ERN1: variants seen among roughly 807,000 people sequenced by gnomAD.
ERN1 encodes endoplasmic reticulum to nucleus signaling 1.
In ERN1, 39 loss-of-function variants were observed where a neutral mutation model predicts 113.1. The observed-to-expected ratio is 0.34, with a 90% confidence interval of 0.27 to 0.45. The LOEUF is 0.45. ERN1 is among the 20% of genes least tolerant of loss of function. The pLI, the probability that ERN1 is intolerant of heterozygous loss-of-function variation, is 1.00. For synonymous variants in ERN1, 507 were observed against 515.9 expected, an observed-to-expected ratio of 0.98 and a Z score of 0.23; for missense variants, 976 against 1,274.8, an observed-to-expected ratio of 0.77 and a Z score of 3.57.
intron 2 of ERN1, among the ~76,000 whole-genome samples, chr17:64,093,427 A>G (rs1000932799): frequency 1.4e-4 from 22 of 152,174 alleles, no homozygotes; most frequent in Non-Finnish European, 2.9e-5. Context: ...TGATCTTGTA[A>G]AGTGGAGGCC....
At chr17:64,055,057 C>A (rs946589668) in intron 13 of ERN1, among the ~76,000 whole-genome samples, 1 of 152,180 alleles carries the variant, frequency 6.6e-6, no homozygotes, top group African/African-American at 2.4e-5. Context: ...CCTTATTGTG[C>A]GATTGCATAT....
At position 64,065,255 on chromosome 17, in the gene ERN1, C is replaced by G. The variant is rs1256066950; in HGVS notation, c.875G>C (p.Ser292Thr). ...TACCATTGAGGGAGAGGCATAGAGGCTGGTAGAGTATTTCCCAACATACAG... is the reference window on the plus strand; with the variant it reads ...TACCATTGAGGGAGAGGCATAGAGGGTGGTAGAGTATTTCCCAACATACAG... Reference protein sequence around the residue: ...PTLYVGKYSTSLYASPSMVHE... With the variant: ...PTLYVGKYSTTLYASPSMVHE... The change falls in exon 9 of 22, where the codon AGC becomes ACC. Residue 292 changes from serine to threonine, a missense_variant. Around this residue, in one of 5 missense-constraint regions of ERN1, gnomAD observed 459 missense variants for 581.2 expected, o/e 0.79. Transcript: ENST00000433197. The G allele has an allele frequency of 6.2e-7, 1 of 1,608,286 alleles. No individual in the cohort carries two copies. The highest frequency in any genetic ancestry group is 8.5e-7 in the Non-Finnish European group (1 of 1,177,338).
intron 1 of ERN1, among the ~76,000 whole-genome samples, chr17:64,104,353 T>C (rs1389736827): frequency 2.6e-5 from 4 of 152,160 alleles, no homozygotes; most frequent in Non-Finnish European, 5.9e-5. Context: ...CCCCCTGCAA[T>C]GGTAAGTACA....
chr17:64,043,646 G>A lies in ERN1; in HGVS notation c.*342C>T, dbSNP rs1912410079. The A allele has an allele frequency of 4.9e-6, 1 of 206,060 alleles. No individual in the cohort carries two copies. Among genetic ancestry groups the A allele is most frequent in the Non-Finnish European group, 9.6e-6 (1 of 103,738 alleles). 12.8% of individuals were successfully genotyped at this position (206,060 alleles called of 1,614,324 possible). ...CCTCCTCTCCCTTCCTGAAAGGCCT[G>A]TAGACTGACATTAAGCAGGAATTTA... On this transcript the variant is annotated 3_prime_UTR_variant, in exon 22 of 22. Transcript: ENST00000433197.
At position 64,099,675 on chromosome 17, in the gene ERN1, C is replaced by T. The variant is rs562055171; in HGVS notation, c.55-1434G>A. ...CATGGGAGCCTGATCCCAGAAGGCC[C>T]GGCTACTCTCGGTAAGAGCCAGGAT... On this transcript the variant is annotated intron_variant, in intron 1 of 21. Transcript: ENST00000433197. 2.0e-4 allele frequency among the ~76,000 whole-genome samples: 30 copies of T among 152,128 alleles called. No homozygotes were observed. In the Middle Eastern group the frequency reaches 0.01, roughly 52 times the overall value.
intron 17 of ERN1, 69 bp downstream of exon 17, chr17:64,052,711 A>C: frequency 7.0e-7 from 1 of 1,431,936 alleles, no homozygotes; most frequent in South Asian, 1.3e-5. Context: ...CTGGAATTTA[A>C]AGGTTCTACT....
At chr17:64,121,043 C>A (rs1005855300) in intron 1 of ERN1, among the ~76,000 whole-genome samples, 1 of 152,194 alleles carries the variant, frequency 6.6e-6, no homozygotes, top group African/African-American at 2.4e-5. Flanking sequence ...GATGAACCAG[C>A]AAGGGAAGTG....
At chr17:64,087,531 C>G (rs534862154) in intron 2 of ERN1, among the ~76,000 whole-genome samples, 3 of 152,304 alleles carry the variant, frequency 2.0e-5, no homozygotes, top group African/African-American at 7.2e-5. Flanking sequence ...AAGTGTACCT[C>G]TAGCAGTGAC....
intron 7 of ERN1, among the ~76,000 whole-genome samples, chr17:64,067,479 G>A (rs1048524262): frequency 6.6e-6 from 1 of 150,610 alleles, no homozygotes; most frequent in Non-Finnish European, 1.5e-5. Context: ...GTGGCGGTAC[G>A]TGCCTGTGGT....
chr17:64,044,761 G>A lies in ERN1; in HGVS notation c.2721+99C>T. ...CGCCTAGCTCCTGAGAGATGAGAATGCCAGTACAGATAAAAGATTTATAAA... is the reference window on the plus strand; with the variant it reads ...CGCCTAGCTCCTGAGAGATGAGAATACCAGTACAGATAAAAGATTTATAAA... On this transcript the variant is annotated intron_variant, in intron 21 of 21. Transcript: ENST00000433197. The surrounding 1 kb of genome is among the most constrained non-coding windows in gnomAD (Gnocchi z 4.1). 2.4e-6 allele frequency: 2 copies of A among 844,534 alleles called. No homozygotes were observed. Among genetic ancestry groups the A allele is most frequent in the African/African-American group, 1.7e-5 (1 of 58,846 alleles). 52.3% of individuals were successfully genotyped at this position (844,534 alleles called of 1,614,324 possible). A position where few individuals can be genotyped will look rare whatever the true frequency, so the allele number is the denominator to read the frequency against.
chr17:64,075,121 G>T, intron 5 of ERN1, 54 bp downstream of exon 5: 1 of 1,423,724 alleles, frequency 7.0e-7, no homozygotes, highest in South Asian at 1.2e-5. Flanking sequence ...CACTTTCCCA[G>T]ATTCCGGGAC....
At position 64,055,729 on chromosome 17, in the gene ERN1, C is replaced by T. The variant is rs772826129; in HGVS notation, c.1618G>A (p.Gly540Ser). 6.2e-6 allele frequency: 10 copies of T among 1,610,914 alleles called. No individual in the cohort carries two copies. The highest frequency in any genetic ancestry group is 2.2e-5 in the East Asian group (1 of 44,818). The change falls in exon 13 of 22, where the codon GGC becomes AGC. Residue 540 changes from glycine to serine, a missense_variant. By Grantham distance (56) the Gly-to-Ser change is moderately conservative. This residue lies in a region of ERN1 where 112 missense variants were observed against 106.2 expected (regional missense o/e 1.05). Coordinates refer to ENST00000433197, the MANE Select transcript of ERN1 (RefSeq NM_001433.5). Reference protein sequence around the residue: ...PRASNHSLCSGSSASKAGSSP... With the variant: ...PRASNHSLCSSSSASKAGSSP... ...CTGCCAGCCTTGGAGGCAGAGCTGC[C>T]GGAGCAGAGCGAGTGGTTGGAGGCC...
At position 64,075,942 on chromosome 17, in the gene ERN1, G is replaced by A. The variant is rs149718509; in HGVS notation, c.283-695C>T. Among the ~76,000 whole-genome samples the A allele has an allele frequency of 3.4e-3, 517 of 152,260 alleles. 2 individuals are homozygous for A. The highest frequency in any genetic ancestry group is 0.012 in the African/African-American group (487 of 41,524). On this transcript the variant is annotated intron_variant, in intron 4 of 21. Transcript: ENST00000433197. ...CAAGCTTCGAGGGAAAGGAGAAGTC[G>A]CCATTACAGGGGCAACACAAGAGTT...
intron 1 of ERN1, among the ~76,000 whole-genome samples, chr17:64,099,861 C>T (rs112627520): frequency 2.1e-4 from 32 of 152,218 alleles, no homozygotes; most frequent in African/African-American, 5.1e-4. Context: ...CCCACCTCTT[C>T]GCTTTGCCCA....
chr17:64,048,051 T>C (rs75933115), intron 18 of ERN1, 66 bp from the exon 19 acceptor site: 39,344 of 1,407,850 alleles, frequency 0.028, 624 homozygotes, highest in Non-Finnish European at 0.034. Context: ...TACCAAAAAC[T>C]TTAAAAAGCT....
At chr17:64,120,062 C>T (rs908058977) in intron 1 of ERN1, among the ~76,000 whole-genome samples, 2 of 152,046 alleles carry the variant, frequency 1.3e-5, no homozygotes, top group African/African-American at 4.8e-5. Context: ...TGGCCTTAAA[C>T]ATTTTTTTTT....
chr17:64,082,842 G>C (rs1913809422), intron 2 of ERN1, among the ~76,000 whole-genome samples: 2 of 125,924 alleles, frequency 1.6e-5, no homozygotes. Flanking sequence ...TGGTGTTTAA[G>C]AACTGTGATT....
intron 1 of ERN1, among the ~76,000 whole-genome samples, chr17:64,118,265 A>G (rs940020171): frequency 3.3e-5 from 5 of 152,228 alleles, no homozygotes; most frequent in African/African-American, 7.2e-5. Context: ...TTGCACAGCT[A>G]GCTAGTACAG....
At chr17:64,128,765 T>A (rs1915149166) in intron 1 of ERN1, 3 of 151,798 alleles carry the variant, frequency 2.0e-5, no homozygotes, top group Non-Finnish European at 4.4e-5. Context: ...TTATAAAGAG[T>A]CTACAAATTT....
Sources: gnomAD v4.1 joint callset for allele counts (sites outside exome capture counted in the v4.1 genomes callset) on GRCh38, gnomAD v4.1.1 for gene constraint, gnomAD v4.1.1 regional missense constraint, Gnocchi (gnomAD v3.1) non-coding constraint, MANE v1.5 for transcripts, NCBI Gene and HGNC (gene_info 2026-07-23, HGNC 2026-07-21) for gene names.